CAMK1D: variants seen among roughly 807,000 people sequenced by gnomAD.
CAMK1D encodes the protein calcium/calmodulin-dependent protein kinase type 1D.
In CAMK1D, 9 loss-of-function variants were observed where a neutral mutation model predicts 47.7. That is an observed-to-expected ratio of 0.19 (90% CI 0.11 to 0.33). CAMK1D has a LOEUF of 0.33. Ranked by LOEUF, CAMK1D falls within the 10% of genes least tolerant of loss-of-function variation. The pLI is 1.00. For missense variants in CAMK1D, 291 were observed against 488.7 expected (o/e 0.60, Z 3.81); for synonymous variants, 184 against 184.9 (o/e 0.99, Z 0.04).
chr10:12,747,012 TTTTAA>T (rs1265373253), intron 3 of CAMK1D, among the ~76,000 whole-genome samples: 4 of 150,680 alleles, frequency 2.7e-5, no homozygotes, highest in South Asian at 2.1e-4. Context: ...GTTGTTTTTT[TTTTAA>T]TTTAATTCTT....
intron 1 of CAMK1D, among the ~76,000 whole-genome samples, chr10:12,375,659 TC>T (rs779205631): frequency 3.4e-4 from 51 of 152,222 alleles, no homozygotes; most frequent in Admixed American, 2.0e-4. Context: ...TTGTTGGGTA[TC>T]CCGATTGCCT....
intron 2 of CAMK1D, among the ~76,000 whole-genome samples, chr10:12,559,159 A>G (rs141897170): frequency 3.4e-4 from 51 of 151,960 alleles, no homozygotes; most frequent in African/African-American, 1.2e-3. Flanking sequence ...CAATTAAAAA[A>G]CTAGTCAGGT....
intron 1 of CAMK1D, among the ~76,000 whole-genome samples, chr10:12,360,781 T>G (rs1185912198): frequency 6.6e-6 from 1 of 152,128 alleles, no homozygotes; most frequent in African/African-American, 2.4e-5. Flanking sequence ...TAAACCAACC[T>G]ACATCAACTA....
intron 3 of CAMK1D, among the ~76,000 whole-genome samples, chr10:12,745,726 C>A (rs1835642153): frequency 6.6e-6 from 1 of 151,736 alleles, no homozygotes; most frequent in Non-Finnish European, 1.5e-5. Flanking sequence ...TCTCGGCCTC[C>A]CGAGTAGCTG....
intron 1 of CAMK1D, among the ~76,000 whole-genome samples, chr10:12,446,294 A>G (rs1044329868): frequency 2.6e-5 from 4 of 152,208 alleles, no homozygotes; most frequent in African/African-American, 9.7e-5. Flanking sequence ...TTTCTTGATG[A>G]TATGCTAAAC....
chr10:12,556,685 G>A (rs1310798210), intron 2 of CAMK1D, among the ~76,000 whole-genome samples: 3 of 152,168 alleles, frequency 2.0e-5, no homozygotes, highest in Non-Finnish European at 2.9e-5. Flanking sequence ...TGGAGAGGTG[G>A]GATTGTGGAG....
At chr10:12,647,617 C>T (rs1839848291) in intron 2 of CAMK1D, among the ~76,000 whole-genome samples, 1 of 152,068 alleles carries the variant, frequency 6.6e-6, no homozygotes, top group Admixed American at 6.6e-5. Context: ...GGGAATTGTT[C>T]TGTATTCCAG....
At chr10:12,647,788 CT>C (rs1165441245) in intron 2 of CAMK1D, among the ~76,000 whole-genome samples, 1 of 152,148 alleles carries the variant, frequency 6.6e-6, no homozygotes, top group Non-Finnish European at 1.5e-5. Flanking sequence ...TGGGTGTGTG[CT>C]TACTCAGGAG....
At position 12,787,857 on chromosome 10, in the gene CAMK1D, G is replaced by A. The variant is rs936783998; in HGVS notation, c.566-3301G>A. Among the ~76,000 whole-genome samples the A allele has an allele frequency of 1.5e-4, 23 of 152,256 alleles. 1 individual carries two copies. Among genetic ancestry groups the A allele is most frequent in the African/African-American group, 2.9e-4 (12 of 41,546 alleles). On this transcript the variant is annotated intron_variant, in intron 5 of 10. Transcript: ENST00000619168. ...TCTACTAAAAATACAAAAATTAGCC[G>A]GGCCTGGTGGTGCACGCCTGTAATC... is the stretch of plus-strand genomic sequence containing the variant.
rs572257762 is a variant in CAMK1D at position 12,830,501 on chromosome 10, T to C, written c.*1614T>C. 2.6e-5 allele frequency: 4 copies of C among 152,326 alleles called. No homozygotes were observed. In the East Asian group the frequency reaches 7.7e-4, roughly 29 times the overall value. 9.4% of individuals were successfully genotyped at this position (152,326 alleles called of 1,614,324 possible). On this transcript the variant is annotated 3_prime_UTR_variant, in exon 11 of 11. Transcript: ENST00000619168. ...GGTGGTAGGGTCACCAAACGTCCCA[T>C]TTGCCCGAGACTGAAGGATTTCTCA...
intron 3 of CAMK1D, among the ~76,000 whole-genome samples, chr10:12,688,658 T>C (rs1216545877): frequency 6.6e-6 from 1 of 152,144 alleles, no homozygotes; most frequent in African/African-American, 2.4e-5. Context: ...CAGATGTCTC[T>C]AAAATGAGTT....
intron 1 of CAMK1D, among the ~76,000 whole-genome samples, chr10:12,486,643 AG>A (rs1834228123): frequency 6.6e-6 from 1 of 152,214 alleles, no homozygotes; most frequent in Admixed American, 6.5e-5. Flanking sequence ...CCAAAATGCC[AG>A]CTTCTCTGTT....
chr10:12,816,540 T>C (rs1266100101), intron 8 of CAMK1D, among the ~76,000 whole-genome samples: 1 of 152,070 alleles, frequency 6.6e-6, no homozygotes, highest in Non-Finnish European at 1.5e-5. Flanking sequence ...CATGAGAAGT[T>C]AGTATGTGTA....
rs368308201 is a variant in CAMK1D, at chr10:12,574,497, T to TTTTA, written c.224+21141_224+21142insTTTA. The stretch of plus-strand genomic sequence containing the variant: ...TTTTTTTTTTTTTTTTTTTTTTTTT[T>TTTTA]AGTAGAGACGGGGCTTCGCCATGTT... On this transcript the variant is annotated intron_variant, in intron 2 of 10. Coordinates refer to ENST00000619168, the MANE Select transcript of CAMK1D (RefSeq NM_153498.4). Among the ~76,000 whole-genome samples the TTTTA allele has an allele frequency of 7.2e-3, 923 of 128,750 alleles. 44 individuals carry two copies. The highest frequency in any genetic ancestry group is 0.017 in the African/African-American group (561 of 32,504). 84.5% of individuals were successfully genotyped at this position (128,750 alleles called of 152,430 possible).
At chr10:12,431,264 A>G (rs1175768015) in intron 1 of CAMK1D, among the ~76,000 whole-genome samples, 1 of 152,162 alleles carries the variant, frequency 6.6e-6, no homozygotes, top group East Asian at 1.9e-4. Flanking sequence ...TCTCACCTCC[A>G]CTGCTGCCCC....
intron 2 of CAMK1D, among the ~76,000 whole-genome samples, chr10:12,573,521 G>A (rs552936634): frequency 5.9e-4 from 90 of 152,292 alleles, no homozygotes; most frequent in Middle Eastern, 3.4e-3. Flanking sequence ...GTGAGTGGGG[G>A]ACTCACTTTC....
At chr10:12,586,473 A>AT in intron 2 of CAMK1D, among the ~76,000 whole-genome samples, 1 of 151,044 alleles carries the variant, frequency 6.6e-6, no homozygotes, top group African/African-American at 2.4e-5. Flanking sequence ...AAAAAAAAAA[A>AT]ATTGAAGAAG....
At chr10:12,806,644 C>T (rs944841135) in intron 6 of CAMK1D, among the ~76,000 whole-genome samples, 4 of 152,228 alleles carry the variant, frequency 2.6e-5, no homozygotes, top group African/African-American at 4.8e-5. Flanking sequence ...TCCCGAGCTC[C>T]ACCCTTGATC....
At chr10:12,769,572 C>A in intron 4 of CAMK1D, 101 bp from the exon 5 acceptor site, 3 of 1,333,650 alleles carry the variant, frequency 2.2e-6, no homozygotes, top group South Asian at 1.4e-5. Flanking sequence ...AGGTCAAGGA[C>A]GTCCTGACGT....
Sources: allele counts gnomAD v4.1 joint callset (sites outside exome capture counted in the v4.1 genomes callset), GRCh38; gene constraint gnomAD v4.1.1; transcripts MANE v1.5; gene names NCBI Gene and HGNC (gene_info 2026-07-23, HGNC 2026-07-21).